Variants in SGCZ observed in about 807,000 individuals in gnomAD.
SGCZ encodes the protein sarcoglycan zeta.
SGCZ carries 40 observed loss-of-function variants against 41.3 expected under a neutral mutation model. The observed-to-expected ratio is 0.97, with a 90% CI of 0.75 to 1.26. The LOEUF is 1.26. SGCZ is among the 50% of genes most tolerant of loss of function. The pLI is 0.00. For missense variants in SGCZ, 552 were observed against 369.8 expected (o/e 1.49, Z -4.04); for synonymous variants, 206 against 137.5 (o/e 1.50, Z -3.49).
chr8:14,617,423 G>A (rs750391634), intron 1 of SGCZ, among the ~76,000 whole-genome samples: 45 of 152,032 alleles, frequency 3.0e-4, no homozygotes, highest in Non-Finnish European at 5.1e-4. Context: ...TCATTTATCT[G>A]TACTTTTATT....
chr8:14,264,132 G>A (rs533836119), intron 3 of SGCZ, among the ~76,000 whole-genome samples: 1 of 152,198 alleles, frequency 6.6e-6, no homozygotes, highest in Non-Finnish European at 1.5e-5. Context: ...CAGTGACAAG[G>A]AGGCCATAGC....
intron 2 of SGCZ, among the ~76,000 whole-genome samples, chr8:14,496,006 C>G (rs1801976543): frequency 6.6e-6 from 1 of 152,120 alleles, no homozygotes; most frequent in Non-Finnish European, 1.5e-5. Context: ...AATATTTAAT[C>G]TACAGAACAC....
At chr8:14,099,561 C>T (rs943552436) in intron 7 of SGCZ, among the ~76,000 whole-genome samples, 3 of 152,066 alleles carry the variant, frequency 2.0e-5, no homozygotes, top group African/African-American at 7.2e-5. Flanking sequence ...CCTGTCTCTT[C>T]TAAAAGTACA....
At chr8:14,254,745 C>T (rs1478841316) in intron 3 of SGCZ, among the ~76,000 whole-genome samples, 6 of 141,956 alleles carry the variant, frequency 4.2e-5, no homozygotes, top group South Asian at 2.1e-4. Flanking sequence ...GACATCGTGT[C>T]GTCTTTTTTT....
intron 3 of SGCZ, among the ~76,000 whole-genome samples, chr8:14,238,356 A>G (rs1806843572): frequency 6.6e-6 from 1 of 152,188 alleles, no homozygotes; most frequent in South Asian, 2.1e-4. Flanking sequence ...CTGAGTAGAT[A>G]AAAAAATCTT....
chr8:14,703,543 T>G (rs1395587765), intron 1 of SGCZ, among the ~76,000 whole-genome samples: 1 of 152,040 alleles, frequency 6.6e-6, no homozygotes, highest in East Asian at 1.9e-4. Flanking sequence ...ATATATTTCA[T>G]GCCAGCTACA....
At chr8:14,437,191 A>C (rs1186107325) in intron 2 of SGCZ, among the ~76,000 whole-genome samples, 1 of 152,174 alleles carries the variant, frequency 6.6e-6, no homozygotes, top group Non-Finnish European at 1.5e-5. Context: ...AGGATTACAA[A>C]ATCATGATTA....
At chr8:14,581,855 C>T (rs1771773508) in intron 1 of SGCZ, among the ~76,000 whole-genome samples, 1 of 152,132 alleles carries the variant, frequency 6.6e-6, no homozygotes, top group Non-Finnish European at 1.5e-5. Flanking sequence ...TTTTTATACA[C>T]AGATGATGCT....
chr8:15,098,308 A>G (rs898528150), intron 1 of SGCZ, among the ~76,000 whole-genome samples: 3 of 152,192 alleles, frequency 2.0e-5, no homozygotes, highest in African/African-American at 7.2e-5. Flanking sequence ...CATTTTTATT[A>G]CTCTGTTCAC....
At chr8:14,702,059 T>C (rs1809155641) in intron 1 of SGCZ, among the ~76,000 whole-genome samples, 1 of 151,868 alleles carries the variant, frequency 6.6e-6, no homozygotes, top group African/African-American at 2.4e-5. Flanking sequence ...AATTCTCCCA[T>C]TAGGTTCTTG....
chr8:15,139,499 T>C (rs1479358028), intron 1 of SGCZ, among the ~76,000 whole-genome samples: 1 of 152,152 alleles, frequency 6.6e-6, no homozygotes, highest in African/African-American at 2.4e-5. Flanking sequence ...TTGCATTTTT[T>C]GGAAATAAAT....
chr8:14,467,107 G>A (rs1284552790), intron 2 of SGCZ, among the ~76,000 whole-genome samples: 1 of 151,396 alleles, frequency 6.6e-6, no homozygotes, highest in African/African-American at 2.4e-5. Context: ...TTCCCTTTTA[G>A]TGAATTAGTC....
chr8:15,039,219 A>G (rs938316388), intron 1 of SGCZ, among the ~76,000 whole-genome samples: 8 of 152,200 alleles, frequency 5.3e-5, no homozygotes, highest in African/African-American at 1.9e-4. Context: ...AAGATATGGA[A>G]TCAGCCCAAA....
chr8:14,597,128 A>G (rs1805438031), intron 1 of SGCZ, among the ~76,000 whole-genome samples: 1 of 152,190 alleles, frequency 6.6e-6, no homozygotes, highest in East Asian at 1.9e-4. Flanking sequence ...AGTTTCAACT[A>G]TTGTTAGAAT....
intron 1 of SGCZ, among the ~76,000 whole-genome samples, chr8:14,600,925 A>G (rs1048179447): frequency 6.6e-6 from 1 of 151,794 alleles, no homozygotes; most frequent in African/African-American, 2.4e-5. Flanking sequence ...CTTAACCTCA[A>G]AGTAATCTTG....
At chr8:14,446,932 CT>C (rs969226226) in intron 2 of SGCZ, among the ~76,000 whole-genome samples, 3 of 152,118 alleles carry the variant, frequency 2.0e-5, no homozygotes, top group African/African-American at 7.2e-5. Flanking sequence ...TAATTCAACA[CT>C]AGTTTCAATA....
intron 3 of SGCZ, among the ~76,000 whole-genome samples, chr8:14,280,459 T>A (rs1800383635): frequency 6.6e-6 from 1 of 151,852 alleles, no homozygotes; most frequent in South Asian, 2.1e-4. Flanking sequence ...TATTAATAAA[T>A]TTTTAAGGGA....
chr8:14,455,767 G>A (rs941257687), intron 2 of SGCZ, among the ~76,000 whole-genome samples: 1 of 152,184 alleles, frequency 6.6e-6, no homozygotes, highest in African/African-American at 2.4e-5. Flanking sequence ...TCTTGGCAGT[G>A]TTAAACAAGA....
chr8:14,959,270 G>T (rs1414890149), intron 1 of SGCZ, among the ~76,000 whole-genome samples: 1 of 152,040 alleles, frequency 6.6e-6, no homozygotes, highest in Non-Finnish European at 1.5e-5. Flanking sequence ...CAATGGAGAT[G>T]GAAATGAAGT....
Sources: gnomAD v4.1 joint callset for allele counts (sites outside exome capture counted in the v4.1 genomes callset) on GRCh38, gnomAD v4.1.1 for gene constraint, MANE v1.5 for transcripts, NCBI Gene and HGNC (gene_info 2026-07-23, HGNC 2026-07-21) for gene names.